DYSF: variants seen among roughly 807,000 people sequenced by gnomAD.
The protein encoded by DYSF is dysferlin, also known as dystrophy-associated fer-1-like 1.
Under a neutral mutation model 274.9 loss-of-function variants are expected in DYSF, and 212 were observed. The ratio of observed to expected loss-of-function variants is 0.77; its 90% CI spans 0.69 to 0.86. The LOEUF (loss-of-function observed/expected upper bound fraction) is 0.86, where lower values mean the gene tolerates loss of function less well. Among genes scored for constraint, DYSF ranks in the 40% least tolerant of loss-of-function variants. DYSF has a pLI of 0.00. For missense variants in DYSF, 2,666 were observed against 2,783.2 expected, an observed-to-expected ratio of 0.96 and a Z score of 0.95; for synonymous variants, 1,091 against 1,078.7, an observed-to-expected ratio of 1.01 and a Z score of -0.22.
At position 71,659,118 on chromosome 2, in the gene DYSF, C is replaced by CA; in HGVS notation, c.4911+86dup. 2.5e-6 allele frequency: 4 copies of CA among 1,569,046 alleles called. No individual in the cohort carries two copies. The South Asian group carries it at 4.5e-5, about 18-fold the overall frequency. On this transcript the variant is annotated intron_variant, in intron 44 of 55. Coordinates refer to ENST00000410020, the MANE Select transcript of DYSF (RefSeq NM_001130987.2). Reference sequence around the variant, plus strand: ...TAGAACCTGGACACAAACTCTGCCTCAGGGAGTTCATAGTAGGTTGGGAAA... The same window carrying CA: ...TAGAACCTGGACACAAACTCTGCCTCAAGGGAGTTCATAGTAGGTTGGGAAA...
chr2:71,666,850 A>G (rs530688125), intron 47 of DYSF, among the ~76,000 whole-genome samples: 3 of 152,252 alleles, frequency 2.0e-5, no homozygotes, highest in African/African-American at 7.2e-5. Flanking sequence ...TAGGATCCTC[A>G]TGAAGACTAA....
chr2:71,658,577 G>T (rs530371440), intron 43 of DYSF, among the ~76,000 whole-genome samples: 2 of 152,314 alleles, frequency 1.3e-5, no homozygotes, highest in South Asian at 4.1e-4. Context: ...GGCTGGCAAG[G>T]CCTCAGAATC....
intron 4 of DYSF, 29 bp from the exon 5 acceptor site, chr2:71,511,778 A>T: frequency 2.2e-6 from 3 of 1,394,432 alleles, no homozygotes; most frequent in Non-Finnish European, 3.0e-6. Flanking sequence ...CAGCGCACCA[A>T]CCTGTCCCCC....
intron 36 of DYSF, among the ~76,000 whole-genome samples, chr2:71,605,566 T>C (rs1281153700): frequency 6.6e-6 from 1 of 152,056 alleles, no homozygotes; most frequent in African/African-American, 2.4e-5. Context: ...GAATTACCCT[T>C]GCTTCTGCTG....
chr2:71,570,662 A>G lies in DYSF; in HGVS notation c.3149A>G (p.Lys1050Arg), dbSNP rs1338389103. 1.2e-6 allele frequency: 2 copies of G among 1,614,130 alleles called. No individual in the cohort carries two copies. The highest frequency in any genetic ancestry group is 1.1e-5 in the South Asian group (1 of 91,084). The change falls in exon 29 of 56, where the codon AAG becomes AGG. Residue 1050 changes from lysine to arginine, a missense_variant. Physicochemically the swap from Lys to Arg is conservative, Grantham distance 26. This residue lies in a region of DYSF where 1,460 missense variants were observed against 1,502.1 expected (regional missense o/e 0.97). Transcript: ENST00000410020. ...CCGAAGCACTGGGTCCCTGCTGAGAAGATGTACTACACACACCGACGGCGG... is the reference window on the plus strand; with the variant it reads ...CCGAAGCACTGGGTCCCTGCTGAGAGGATGTACTACACACACCGACGGCGG... The part of the protein sequence containing the change: ...RKPKHWVPAE[K>R]MYYTHRRRRW...
intron 54 of DYSF, 32 bp downstream of exon 54, chr2:71,681,142 A>G: frequency 3.8e-6 from 6 of 1,591,248 alleles, no homozygotes; most frequent in Non-Finnish European, 5.2e-6. Context: ...CCCAATGCCC[A>G]CAGGTCTGGG....
At chr2:71,459,397 T>A (rs757258187) in intron 1 of DYSF, among the ~76,000 whole-genome samples, 1 of 152,144 alleles carries the variant, frequency 6.6e-6, no homozygotes, top group African/African-American at 2.4e-5. Context: ...AAATAAGTAG[T>A]GACAGGGGTC....
At chr2:71,556,305 C>G (rs888447462) in intron 22 of DYSF, among the ~76,000 whole-genome samples, 1 of 152,226 alleles carries the variant, frequency 6.6e-6, no homozygotes, top group Non-Finnish European at 1.5e-5. Context: ...GCCCGGCGGC[C>G]GGCTCACCTG....
At chr2:71,654,505 G>T (rs1341927628) in intron 42 of DYSF, among the ~76,000 whole-genome samples, 3 of 152,194 alleles carry the variant, frequency 2.0e-5, no homozygotes, top group Non-Finnish European at 4.4e-5. Context: ...GTTGATGGCT[G>T]GGTCTGGTGG....
intron 2 of DYSF, among the ~76,000 whole-genome samples, chr2:71,481,408 G>T (rs1003251172): frequency 6.6e-6 from 1 of 152,254 alleles, no homozygotes; most frequent in Non-Finnish European, 1.5e-5. Flanking sequence ...GATGGGGTCG[G>T]ATGCACAGGG....
In DYSF at chr2:71,582,304, A is replaced by C. The variant is rs139827475; in HGVS notation, c.3403-7289A>C. Among the ~76,000 whole-genome samples the C allele has an allele frequency of 5.5e-3, 831 of 152,234 alleles. 1 individual carries two copies. The highest frequency in any genetic ancestry group is 8.3e-3 in the Non-Finnish European group (562 of 68,018). ...GGTCTGTCAACCTCTGTTCTAGGGC[A>C]TGTACCGTGGGCCAGCCATTGCCTT... On this transcript the variant is annotated intron_variant, in intron 30 of 55. Transcript: ENST00000410020.
chr2:71,652,845 A>G (rs1272043430), intron 42 of DYSF, among the ~76,000 whole-genome samples: 1 of 152,242 alleles, frequency 6.6e-6, no homozygotes, highest in Non-Finnish European at 1.5e-5. Flanking sequence ...AGGCGTGAGC[A>G]TTTGGCATAT....
intron 29 of DYSF, 85 bp from the exon 30 acceptor site, chr2:71,574,113 A>G: frequency 2.6e-6 from 4 of 1,541,338 alleles, no homozygotes; most frequent in Non-Finnish European, 2.7e-6. Context: ...TTGTCATGGA[A>G]GACAGGAAGG....
At chr2:71,565,761 T>C (rs1184214386) in intron 24 of DYSF, among the ~76,000 whole-genome samples, 1 of 152,220 alleles carries the variant, frequency 6.6e-6, no homozygotes, top group Non-Finnish European at 1.5e-5. Context: ...TGTTGTCTTA[T>C]CATCTGTAAA....
In DYSF at chr2:71,551,140, A is replaced by C; in HGVS notation, c.1676A>C (p.Glu559Ala). The C allele has an allele frequency of 6.2e-7, 1 of 1,614,126 alleles. No individual in the cohort carries two copies. Among genetic ancestry groups the C allele is most frequent in the Non-Finnish European group, 8.5e-7 (1 of 1,180,006 alleles). Residue 559 changes from glutamate to alanine, a missense_variant, in exon 18 of 56, where the codon GAG becomes GCG. Glu to Ala is a moderately radical substitution (Grantham distance 107). Coordinates refer to ENST00000410020, the MANE Select transcript of DYSF (RefSeq NM_001130987.2). Reference sequence around the variant, plus strand: ...ACAGGCTTCCCAGACCCCTACACAGAGCTCAACACAGGCAAGGTAAGCCGG... The same window carrying C: ...ACAGGCTTCCCAGACCCCTACACAGCGCTCAACACAGGCAAGGTAAGCCGG... ...EFTGFPDPYT[E>A]LNTGKGEGVA...
chr2:71,517,923 T>C (rs1038392791), intron 10 of DYSF, among the ~76,000 whole-genome samples: 2 of 152,100 alleles, frequency 1.3e-5, no homozygotes, highest in South Asian at 4.1e-4. Context: ...GACCCTTATT[T>C]GTAATTTGGA....
intron 16 of DYSF, among the ~76,000 whole-genome samples, chr2:71,536,174 G>C (rs1051129981): frequency 6.6e-6 from 1 of 152,216 alleles, no homozygotes; most frequent in Non-Finnish European, 1.5e-5. Flanking sequence ...TTCCCAAAAA[G>C]AGAGAGTTGT....
At chr2:71,596,156 G>C (rs775892240) in intron 32 of DYSF, among the ~76,000 whole-genome samples, 1 of 151,926 alleles carries the variant, frequency 6.6e-6, no homozygotes. Flanking sequence ...GGTGGGGCAC[G>C]TGTGTAGGTC....
intron 3 of DYSF, among the ~76,000 whole-genome samples, chr2:71,493,038 C>T (rs577796979): frequency 4.0e-5 from 6 of 148,400 alleles, no homozygotes; most frequent in South Asian, 2.2e-4. Context: ...CAAGCCACCT[C>T]GTCTGGCTAA....
Sources: allele counts gnomAD v4.1 joint callset (sites outside exome capture counted in the v4.1 genomes callset), GRCh38; gene constraint gnomAD v4.1.1; regional missense constraint gnomAD v4.1.1; transcripts MANE v1.5; gene names NCBI Gene and HGNC (gene_info 2026-07-23, HGNC 2026-07-21).